KCND3: variants seen among roughly 807,000 people sequenced by gnomAD.
KCND3 encodes A-type voltage-gated potassium channel KCND3.
A neutral mutation model predicts 51.1 loss-of-function variants in KCND3; 9 were observed. The ratio of observed to expected loss-of-function variants is 0.18; its 90% CI spans 0.11 to 0.31. KCND3 has a LOEUF of 0.31. KCND3 is among the 10% of genes least tolerant of loss of function. KCND3 has a pLI of 1.00. For synonymous variants in KCND3, 349 were observed against 368.0 expected (o/e 0.95, Z 0.59); for missense variants, 526 against 903.8 (o/e 0.58, Z 5.36).
Position 111,938,032 on chromosome 1 carries a change from C to T in KCND3, c.1106+43589G>A, listed in dbSNP as rs529980808. Among the ~76,000 whole-genome samples the T allele has an allele frequency of 7.2e-5, 11 of 152,382 alleles. No individual in the cohort carries two copies. The East Asian group carries it at 1.9e-3, about 27-fold the overall frequency. ...CACCTCTAGTTTAACCTCAACCTGA[C>T]TTCTCGACATTTCAGCTCACTTCTC... On this transcript the variant is annotated intron_variant, in intron 2 of 7. Coordinates refer to ENST00000302127, the MANE Select transcript of KCND3 (RefSeq NM_001378969.1).
intron 2 of KCND3, among the ~76,000 whole-genome samples, chr1:111,905,586 CTGA>C (rs1670609344): frequency 6.6e-6 from 1 of 152,182 alleles, no homozygotes; most frequent in Non-Finnish European, 1.5e-5. Flanking sequence ...GGGTCTCGCT[CTGA>C]CCTGGAGATT....
intron 1 of KCND3, among the ~76,000 whole-genome samples, chr1:111,985,733 C>T (rs532187169): frequency 1.3e-5 from 2 of 152,322 alleles, no homozygotes; most frequent in South Asian, 4.1e-4. Context: ...TCTAAAGAAG[C>T]CAATCTCTGC....
At chr1:111,777,447 G>T (rs952964542) in intron 6 of KCND3, among the ~76,000 whole-genome samples, 174 bp from the exon 7 acceptor site, 3 of 152,154 alleles carry the variant, frequency 2.0e-5, no homozygotes, top group Non-Finnish European at 2.9e-5. Context: ...CATCCAATGA[G>T]GACAGAAAGA....
At chr1:111,874,841 C>G (rs1440069293) in intron 2 of KCND3, among the ~76,000 whole-genome samples, 1 of 152,184 alleles carries the variant, frequency 6.6e-6, no homozygotes, top group African/African-American at 2.4e-5. Context: ...ACCCCAGGGC[C>G]TTTCCTTTGT....
At chr1:111,817,103 C>T (rs1420047690) in intron 2 of KCND3, among the ~76,000 whole-genome samples, 2 of 151,682 alleles carry the variant, frequency 1.3e-5, no homozygotes, top group African/African-American at 4.9e-5. Context: ...GTACACTGTA[C>T]CAAATATGCA....
rs1317517733 is a variant in KCND3 at position 111,989,544 on chromosome 1, G to C, written c.-112C>G. ...GCCCGGGCCCCGCGCCCGGCGCCCC[G>C]CGCGCGCGAGGAAGCTGCGGCCGGG... is the stretch of plus-strand genomic sequence containing the variant. On this transcript the variant is annotated 5_prime_UTR_variant, in exon 1 of 8. Coordinates refer to ENST00000302127, the MANE Select transcript of KCND3 (RefSeq NM_001378969.1). Among the ~76,000 whole-genome samples the C allele has an allele frequency of 5.3e-5, 8 of 149,898 alleles. No homozygotes were observed. The highest frequency in any genetic ancestry group is 4.7e-4 in the Admixed American group (7 of 15,052).
chr1:111,821,203 A>G (rs186274399), intron 2 of KCND3, among the ~76,000 whole-genome samples: 252 of 152,272 alleles, frequency 1.7e-3, no homozygotes, highest in African/African-American at 5.7e-3. Flanking sequence ...ACAGATTTTC[A>G]CGCCCCATCT....
intron 2 of KCND3, among the ~76,000 whole-genome samples, chr1:111,937,981 G>A (rs1015808605): frequency 1.3e-5 from 2 of 152,360 alleles, no homozygotes; most frequent in East Asian, 1.9e-4. Context: ...GAAGGAAGGT[G>A]AAGTCTGAAG....
chr1:111,867,037 C>T (rs1668611008), intron 2 of KCND3, among the ~76,000 whole-genome samples: 1 of 152,148 alleles, frequency 6.6e-6, no homozygotes, highest in African/African-American at 2.4e-5. Context: ...AGTTAGTCAC[C>T]TGTGTGATCT....
At chr1:111,841,455 C>T (rs774431490) in intron 2 of KCND3, among the ~76,000 whole-genome samples, 30 of 152,210 alleles carry the variant, frequency 2.0e-4, no homozygotes, top group Admixed American at 5.2e-4. Flanking sequence ...CCTGACTCTT[C>T]ACCCACTAGT....
At chr1:111,875,166 C>T (rs1375639094) in intron 2 of KCND3, among the ~76,000 whole-genome samples, 1 of 152,196 alleles carries the variant, frequency 6.6e-6, no homozygotes, top group Non-Finnish European at 1.5e-5. Flanking sequence ...TGCATGAATC[C>T]TCCAAGAGGA....
intron 2 of KCND3, among the ~76,000 whole-genome samples, chr1:111,886,828 A>AC (rs1669593215): frequency 6.6e-6 from 1 of 152,174 alleles, no homozygotes; most frequent in Non-Finnish European, 1.5e-5. Flanking sequence ...GATTTGTGTG[A>AC]CCCCAACACA....
intron 2 of KCND3, among the ~76,000 whole-genome samples, chr1:111,789,974 A>G (rs187042494): frequency 1.3e-5 from 2 of 152,358 alleles, no homozygotes; most frequent in African/African-American, 4.8e-5. Flanking sequence ...ATTACCAACT[A>G]TGGTCCTATG....
intron 2 of KCND3, among the ~76,000 whole-genome samples, chr1:111,840,782 A>C (rs1036744282): frequency 6.6e-6 from 1 of 152,132 alleles, no homozygotes; most frequent in Non-Finnish European, 1.5e-5. Flanking sequence ...CTTATGTCTG[A>C]AGATGCCCGG....
rs1167459243 is a variant in KCND3 at position 111,776,125 on chromosome 1, C to T, written c.1920G>A (p.Thr640=). 17 of 1,614,038 alleles carry T rather than the reference C, an allele frequency of 1.1e-5. No individual in the cohort carries two copies. The highest frequency in any genetic ancestry group is 4.5e-5 in the East Asian group (2 of 44,896). The change falls in exon 8 of 8, where the codon ACG becomes ACA. Residue 640 remains threonine, a synonymous_variant. Transcript: ENST00000302127. The stretch of plus-strand genomic sequence containing the variant: ...CATTGCTGGCTATGGAAGGAATGTT[C>T]GTGTTGGGGCCTGGGCTGGCAGGGG... ...RPPPASPGPN[T]NIPSIASNVV...
chr1:111,954,555 C>T (rs376525874), intron 2 of KCND3, among the ~76,000 whole-genome samples: 321 of 152,348 alleles, frequency 2.1e-3, no homozygotes, highest in African/African-American at 7.0e-3. Flanking sequence ...AGTGAAGTTG[C>T]TTTCTGATTA....
intron 2 of KCND3, among the ~76,000 whole-genome samples, chr1:111,850,316 A>ACATCATC (rs747478924): frequency 9.9e-5 from 15 of 152,106 alleles, no homozygotes; most frequent in Non-Finnish European, 4.4e-5. Context: ...ATCAGTGACT[A>ACATCATC]AACAACCCGA....
At chr1:111,949,561 G>A (rs1672953903) in intron 2 of KCND3, among the ~76,000 whole-genome samples, 1 of 152,136 alleles carries the variant, frequency 6.6e-6, no homozygotes, top group Non-Finnish European at 1.5e-5. Context: ...ACTACAAAAG[G>A]GCAGGAAGCA....
At chr1:111,884,772 C>T (rs537681203) in intron 2 of KCND3, among the ~76,000 whole-genome samples, 175 of 152,316 alleles carry the variant, frequency 1.1e-3, no homozygotes, top group African/African-American at 3.4e-3. Flanking sequence ...TTAGAACCAG[C>T]ATGGATTCAT....
Sources: gnomAD v4.1 joint callset for allele counts (sites outside exome capture counted in the v4.1 genomes callset) on GRCh38, gnomAD v4.1.1 for gene constraint, MANE v1.5 for transcripts, NCBI Gene and HGNC (gene_info 2026-07-23, HGNC 2026-07-21) for gene names.